The following TSPAN11 variants were observed in gnomAD, a reference collection of about 807,000 sequenced individuals.
TSPAN11 encodes tetraspanin 11.
A neutral mutation model predicts 32.9 loss-of-function variants in TSPAN11; 29 were observed. That is an observed-to-expected ratio of 0.88 (90% confidence interval 0.66 to 1.20). The LOEUF is 1.20. Among genes scored for constraint, TSPAN11 ranks in the 50% most tolerant of loss-of-function variants. TSPAN11 has a pLI of 0.00. For missense variants in TSPAN11, 283 were observed against 329.1 expected (o/e 0.86, Z 1.08); for synonymous variants, 140 against 141.3 (o/e 0.99, Z 0.07).
At chr12:30,954,173 C>T (rs922526262) in intron 2 of TSPAN11, 98 bp downstream of exon 2, 64 of 841,196 alleles carry the variant, frequency 7.6e-5, no homozygotes, top group South Asian at 5.7e-4. Flanking sequence ...TGATATCTTC[C>T]AAATCAAAGA....
rs996301382 is a variant in TSPAN11 at position 30,992,344 on chromosome 12, C to T, written c.*429C>T. ...CCCACCCATGCCCAGAAGCCCTGACCTTGCTGTTTCTGGAAAAAGCATGGG... is the reference window on the plus strand; with the variant it reads ...CCCACCCATGCCCAGAAGCCCTGACTTTGCTGTTTCTGGAAAAAGCATGGG... On this transcript the variant is annotated 3_prime_UTR_variant, in exon 8 of 8. Coordinates refer to ENST00000546076, the MANE Select transcript of TSPAN11 (RefSeq NM_001370302.1). 4.6e-6 allele frequency: 1 copy of T among 218,648 alleles called. No homozygotes were observed. Among genetic ancestry groups the T allele is most frequent in the Non-Finnish European group, 9.3e-6 (1 of 106,990 alleles). 13.5% of individuals were successfully genotyped at this position (218,648 alleles called of 1,614,324 possible).
chr12:30,935,635 C>T (rs906554338), intron 1 of TSPAN11, among the ~76,000 whole-genome samples: 5 of 152,108 alleles, frequency 3.3e-5, no homozygotes, highest in Admixed American at 1.3e-4. Context: ...CCACCCACCT[C>T]GGCCTCCTAA....
At chr12:31,008,945 T>TG in the TSPAN11 span, among the ~76,000 whole-genome samples, 23 of 152,228 alleles carry the variant, frequency 1.5e-4, no homozygotes, top group Middle Eastern at 6.8e-3. Context: ...ATCCTTGAGG[T>TG]GGGTAAGCCA....
In TSPAN11 at chr12:30,992,199, G is replaced by A; in HGVS notation, c.*284G>A. 1.9e-6 allele frequency: 1 copy of A among 520,252 alleles called. No homozygotes were observed. Among genetic ancestry groups the A allele is most frequent in the Non-Finnish European group, 3.5e-6 (1 of 287,996 alleles). The allele number at this position is 520,252 out of a possible 1,614,324, so 32.2% of individuals were successfully genotyped here. A position where few individuals can be genotyped will look rare whatever the true frequency, so the allele number is the denominator to read the frequency against. ...CCAGAGCCCCTCACCAGGAACGGGG[G>A]CACCCGTGGACTACGGGAGGGTGGC... On this transcript the variant is annotated 3_prime_UTR_variant, in exon 8 of 8. Transcript: ENST00000546076.
intron 7 of TSPAN11, 57 bp from the exon 8 acceptor site, chr12:30,991,799 C>T (rs1451994121): frequency 6.9e-6 from 11 of 1,598,290 alleles, no homozygotes; most frequent in East Asian, 6.7e-5. Context: ...CCCTGAGGGC[C>T]GGCAGCTTCC....
chr12:30,990,314 C>T (rs999601727), intron 7 of TSPAN11, among the ~76,000 whole-genome samples: 7 of 152,240 alleles, frequency 4.6e-5, no homozygotes, highest in Admixed American at 3.3e-4. Context: ...CAGCAGGAGA[C>T]GTACATTGCA....
At chr12:30,939,041 T>G (rs1938103097) in intron 1 of TSPAN11, among the ~76,000 whole-genome samples, 1 of 152,166 alleles carries the variant, frequency 6.6e-6, no homozygotes, top group African/African-American at 2.4e-5. Flanking sequence ...GAGACCAGCC[T>G]GGCCAACATG....
intron 3 of TSPAN11, among the ~76,000 whole-genome samples, chr12:30,968,570 C>G (rs1466347503): frequency 6.6e-6 from 1 of 152,136 alleles, no homozygotes; most frequent in Non-Finnish European, 1.5e-5. Context: ...CCATCTGAGC[C>G]TATGGTCAAT....
chr12:30,984,052 G>A (rs758395348), intron 7 of TSPAN11, among the ~76,000 whole-genome samples: 1 of 152,156 alleles, frequency 6.6e-6, no homozygotes, highest in African/African-American at 2.4e-5. Flanking sequence ...TCTAGTCAAG[G>A]GTCCGAAGGA....
chr12:30,974,592 G>A (rs73091924), intron 3 of TSPAN11, among the ~76,000 whole-genome samples: 2,951 of 152,324 alleles, frequency 0.019, 45 homozygotes, highest in South Asian at 0.036. Context: ...GCACTCCTGC[G>A]TCTTTATCAG....
At position 30,993,073 on chromosome 12, in the gene TSPAN11, A is replaced by T. The variant is rs1448743469; in HGVS notation, c.*1158A>T. On this transcript the variant is annotated 3_prime_UTR_variant, in exon 8 of 8. Coordinates refer to ENST00000546076, the MANE Select transcript of TSPAN11 (RefSeq NM_001370302.1). ...AGAAAGAAAATCCTAGAAAATACAG[A>T]GTATCCATGCTGGCAGCTTTTTGTA... is the stretch of plus-strand genomic sequence containing the variant. 2.6e-5 allele frequency: 4 copies of T among 152,194 alleles called. No individual in the cohort carries two copies. Among genetic ancestry groups the T allele is most frequent in the Non-Finnish European group, 5.9e-5 (4 of 68,038 alleles). 9.4% of individuals were successfully genotyped at this position (152,194 alleles called of 1,614,324 possible).
At chr12:30,946,128 T>G (rs1485248495) in intron 1 of TSPAN11, among the ~76,000 whole-genome samples, 9 of 152,100 alleles carry the variant, frequency 5.9e-5, no homozygotes, top group African/African-American at 2.2e-4. Flanking sequence ...TGATTCAAAG[T>G]GTGGTTCCGA....
chr12:30,990,137 C>CGTGTGTGT lies in TSPAN11; in HGVS notation c.703-1711_703-1704dup, dbSNP rs10692114. Reference sequence around the variant, plus strand: ...TCCACATGCTTCAGCGTGGTGTTCACGTGTGTGTGTGTGTGCAAGTGTGTG... The same window carrying CGTGTGTGT: ...TCCACATGCTTCAGCGTGGTGTTCACGTGTGTGTGTGTGTGTGTGTGTGCAAGTGTGTG... On this transcript the variant is annotated intron_variant, in intron 7 of 7. Transcript: ENST00000546076. 3.3e-5 allele frequency among the ~76,000 whole-genome samples: 5 copies of CGTGTGTGT among 151,768 alleles called. No homozygotes were observed. The East Asian group carries it at 5.8e-4, about 18-fold the overall frequency.
At chr12:30,958,910 G>T (rs1354105138) in intron 2 of TSPAN11, among the ~76,000 whole-genome samples, 1 of 152,124 alleles carries the variant, frequency 6.6e-6, no homozygotes, top group Non-Finnish European at 1.5e-5. Flanking sequence ...CTGACCTTAA[G>T]ATACCGAGGG....
intron 1 of TSPAN11, among the ~76,000 whole-genome samples, chr12:30,952,037 A>G (rs1938392677): frequency 6.6e-6 from 1 of 152,304 alleles, no homozygotes; most frequent in East Asian, 1.9e-4. Flanking sequence ...TACCATTAGA[A>G]TGGTTTCTTT....
At chr12:30,937,367 C>T (rs1269905023) in intron 1 of TSPAN11, among the ~76,000 whole-genome samples, 2 of 151,838 alleles carry the variant, frequency 1.3e-5, no homozygotes, top group Non-Finnish European at 2.9e-5. Flanking sequence ...TATCCTGGCT[C>T]ACTATACTAG....
At chr12:30,972,187 G>A (rs535056873) in intron 3 of TSPAN11, among the ~76,000 whole-genome samples, 3 of 152,302 alleles carry the variant, frequency 2.0e-5, no homozygotes, top group African/African-American at 7.2e-5. Context: ...ACCTGCAGGG[G>A]CAGACCAGTC....
Position 30,926,782 on chromosome 12 carries a change from G to A in TSPAN11, c.-26G>A. ...AGGCGCAGCTCCCTTCGCCGCTTCC[G>A]GAGCCCCTGGCAGGGTAAGTGCAGA... On this transcript the variant is annotated 5_prime_UTR_variant, in exon 1 of 8. Coordinates refer to ENST00000546076, the MANE Select transcript of TSPAN11 (RefSeq NM_001370302.1). The A allele has an allele frequency of 2.9e-6, 1 of 350,068 alleles. No homozygotes were observed. The highest frequency in any genetic ancestry group is 2.6e-5 in the South Asian group (1 of 38,856). 21.7% of individuals were successfully genotyped at this position (350,068 alleles called of 1,614,324 possible).
At chr12:30,988,445 T>G (rs1329989630) in intron 7 of TSPAN11, 1 of 152,116 alleles carries the variant, frequency 6.6e-6, no homozygotes, top group East Asian at 1.9e-4. Flanking sequence ...AAAAATTAGC[T>G]GGGCGTGGTG....
Sources: gnomAD v4.1 joint callset for allele counts (sites outside exome capture counted in the v4.1 genomes callset) on GRCh38, gnomAD v4.1.1 for gene constraint, MANE v1.5 for transcripts, NCBI Gene and HGNC (gene_info 2026-07-23, HGNC 2026-07-21) for gene names.